TFAP2B: variants seen among roughly 807,000 people sequenced by gnomAD.
The protein encoded by TFAP2B is transcription factor AP-2 beta, also known as transcription factor AP-2-beta.
TFAP2B carries 9 observed loss-of-function variants against 44.3 expected under a neutral mutation model. That is an observed-to-expected ratio of 0.20 (90% CI 0.12 to 0.35). The LOEUF (loss-of-function observed/expected upper bound fraction) is 0.35, where lower values mean the gene tolerates loss of function less well. TFAP2B is among the 10% of genes least tolerant of loss of function. TFAP2B has a pLI of 1.00. For synonymous variants in TFAP2B, 270 were observed against 263.8 expected (o/e 1.02, Z -0.23); for missense variants, 509 against 600.0 (o/e 0.85, Z 1.59).
Position 50,823,770 on chromosome 6 carries a change from G to A in TFAP2B, c.445G>A (p.Val149Met), listed in dbSNP as rs767805944. ...CTACCACTCGGTCCGCCGGCCGGAC[G>A]TGCTGCTGCATTCGGCGCACCACGG... is the stretch of plus-strand genomic sequence containing the variant. ...RDYHSVRRPD[V>M]LLHSAHHGLD... The change falls in exon 2 of 7, where the codon GTG becomes ATG. Residue 149 changes from valine (V) to methionine (M), a missense_variant. Val to Met is a conservative substitution (Grantham distance 21). This residue lies in a region of TFAP2B where 296 missense variants were observed against 308.2 expected (regional missense o/e 0.96). Transcript: ENST00000393655. 3.1e-6 allele frequency: 5 copies of A among 1,598,624 alleles called. No homozygotes were observed. Among genetic ancestry groups the A allele is most frequent in the Non-Finnish European group, 4.3e-6 (5 of 1,172,504 alleles).
chr6:50,842,774 A>T (rs1016027676), intron 6 of TFAP2B, among the ~76,000 whole-genome samples: 23 of 152,216 alleles, frequency 1.5e-4, no homozygotes, highest in African/African-American at 5.3e-4. Context: ...ATGAAGTATT[A>T]AAAATCAACT....
chr6:50,840,318 G>A (rs1236904108), intron 6 of TFAP2B, 21 bp downstream of exon 6: 2 of 1,612,322 alleles, frequency 1.2e-6, no homozygotes, highest in Non-Finnish European at 1.7e-6. Context: ...TAGACTCTGG[G>A]CCCTCATCTC....
intron 1 of TFAP2B, among the ~76,000 whole-genome samples, chr6:50,820,494 C>T (rs1383027326): frequency 2.0e-5 from 3 of 152,210 alleles, no homozygotes; most frequent in Non-Finnish European, 4.4e-5. Flanking sequence ...GGAGAGAGCG[C>T]GAGAGAGCAG....
chr6:50,820,904 G>A (rs1435536516), intron 1 of TFAP2B, among the ~76,000 whole-genome samples: 1 of 151,860 alleles, frequency 6.6e-6, no homozygotes, highest in African/African-American at 2.4e-5. Flanking sequence ...GGGTGGAGTG[G>A]AAGGGAGGGA....
rs1362556350 is a variant in TFAP2B at position 50,840,186 on chromosome 6, G to C, written c.971G>C (p.Gly324Ala). Residue 324 changes from glycine (G) to alanine (A), a missense_variant, in exon 6 of 7, where the codon GGG becomes GCG. Around this residue, in one of 3 missense-constraint regions of TFAP2B, gnomAD observed 168 missense variants for 183.2 expected, o/e 0.92. Transcript: ENST00000393655. ...GCTGTTCACTTAGCTAGGGATTTTG[G>C]GTACATTTGCGAAACGGAGTTTCCC... is the stretch of plus-strand genomic sequence containing the variant. ...GEAVHLARDF[G>A]YICETEFPAK... is the part of the protein sequence containing the mutation. The C allele has an allele frequency of 1.9e-6, 3 of 1,614,046 alleles. No homozygotes were observed. Among genetic ancestry groups the C allele is most frequent in the Non-Finnish European group, 2.5e-6 (3 of 1,180,032 alleles).
In TFAP2B at chr6:50,843,174, C is replaced by A. The variant is rs1214833940; in HGVS notation, c.1165C>A (p.Pro389Thr). Reference sequence around the variant, plus strand: ...CAGCCGACCCAGCCCCATCCTGGAGCCGGGGATCCAGAGCTGCCTCACGCA... The same window carrying A: ...CAGCCGACCCAGCCCCATCCTGGAGACGGGGATCCAGAGCTGCCTCACGCA... Reference protein sequence around the residue: ...GNSRPSPILEPGIQSCLTHFS... With the variant: ...GNSRPSPILETGIQSCLTHFS... The change falls in exon 7 of 7, where the codon CCG (proline) becomes ACG (threonine). Residue 389 changes from proline to threonine, a missense_variant. By Grantham distance (38) the Pro-to-Thr change is conservative. Coordinates refer to ENST00000393655, the MANE Select transcript of TFAP2B (RefSeq NM_003221.4). The A allele has an allele frequency of 6.2e-7, 1 of 1,614,108 alleles. No homozygotes were observed. Among genetic ancestry groups the A allele is most frequent in the Non-Finnish European group, 8.5e-7 (1 of 1,180,050 alleles).
At chr6:50,830,813 C>T (rs2206277) in intron 3 of TFAP2B, among the ~76,000 whole-genome samples, 28,632 of 152,068 alleles carry the variant, frequency 0.19, 2,922 homozygotes, top group Admixed American at 0.29. Context: ...CTTTGCTCAC[C>T]ATCTCCCCAA....
In TFAP2B at chr6:50,847,414, G is replaced by T. The variant is rs1318383544; in HGVS notation, c.*4022G>T. On this transcript the variant is annotated 3_prime_UTR_variant, in exon 7 of 7. Coordinates refer to ENST00000393655, the MANE Select transcript of TFAP2B (RefSeq NM_003221.4). ...AATTTAATGGGAATGTGTAAATATGGCGAGCAAGTAGTTTGGGATTATTTA... is the reference window on the plus strand; with the variant it reads ...AATTTAATGGGAATGTGTAAATATGTCGAGCAAGTAGTTTGGGATTATTTA... 6.6e-6 allele frequency: 1 copy of T among 152,520 alleles called. No individual in the cohort carries two copies. Among genetic ancestry groups the T allele is most frequent in the East Asian group, 1.9e-4 (1 of 5,190 alleles). 9.4% of individuals were successfully genotyped at this position (152,520 alleles called of 1,614,324 possible).
At chr6:50,840,491 T>C (rs1030589200) in intron 6 of TFAP2B, among the ~76,000 whole-genome samples, 194 bp downstream of exon 6, 1 of 152,156 alleles carries the variant, frequency 6.6e-6, no homozygotes, top group Non-Finnish European at 1.5e-5. Flanking sequence ...CTGGGGAAAA[T>C]GGCTTTGTTA....
chr6:50,819,338 C>G (rs1484139979), intron 1 of TFAP2B, among the ~76,000 whole-genome samples: 1 of 146,122 alleles, frequency 6.8e-6, no homozygotes, highest in Admixed American at 6.8e-5. Flanking sequence ...GGGCTTTTCT[C>G]GTTTTAAGTG....
rs769445625 is a variant in TFAP2B, at chr6:50,828,697, C to A, written c.601+18C>A. 1.1e-5 allele frequency: 17 copies of A among 1,613,756 alleles called. No individual in the cohort carries two copies. The highest frequency in any genetic ancestry group is 1.4e-5 in the Non-Finnish European group (16 of 1,179,788). On this transcript the variant is annotated intron_variant, in intron 3 of 6. Coordinates refer to ENST00000393655, the MANE Select transcript of TFAP2B (RefSeq NM_003221.4). Reference sequence around the variant, plus strand: ...TAAAAAAGGTATGGATAATTCCCCCCAAAAAGTAAGCAAAGTTCTCTCATG... The same window carrying A: ...TAAAAAAGGTATGGATAATTCCCCCAAAAAAGTAAGCAAAGTTCTCTCATG...
At chr6:50,827,065 C>A (rs1332906503) in intron 2 of TFAP2B, among the ~76,000 whole-genome samples, 1 of 152,206 alleles carries the variant, frequency 6.6e-6, no homozygotes. Context: ...ACCACAACTA[C>A]CCCACGTCGC....
intron 3 of TFAP2B, among the ~76,000 whole-genome samples, chr6:50,830,509 TC>T (rs911960526): frequency 1.3e-5 from 2 of 152,076 alleles, no homozygotes; most frequent in African/African-American, 4.8e-5. Flanking sequence ...ACATTTTATG[TC>T]CCCCCAAATG....
intron 1 of TFAP2B, chr6:50,822,225 G>A: frequency 8.1e-7 from 1 of 1,233,182 alleles, no homozygotes; most frequent in Non-Finnish European, 1.1e-6. Context: ...CTCTGTCTCT[G>A]CGTCTCTGTG....
intron 3 of TFAP2B, among the ~76,000 whole-genome samples, chr6:50,835,200 A>G (rs1762595870): frequency 6.6e-6 from 1 of 152,244 alleles, no homozygotes; most frequent in Non-Finnish European, 1.5e-5. Flanking sequence ...TTACTTGCCG[A>G]AAAGAAACAA....
chr6:50,830,077 C>T (rs368385354), intron 3 of TFAP2B, among the ~76,000 whole-genome samples: 15 of 152,246 alleles, frequency 9.9e-5, no homozygotes, highest in Non-Finnish European at 1.2e-4. Flanking sequence ...CTCACTTTTC[C>T]TGTTTTCTCT....
chr6:50,835,470 C>T (rs1762601264), intron 3 of TFAP2B, among the ~76,000 whole-genome samples: 1 of 152,192 alleles, frequency 6.6e-6, no homozygotes, highest in African/African-American at 2.4e-5. Context: ...AGCTCCCCAG[C>T]TCAATGGTAT....
chr6:50,825,939 C>T (rs1561959558), intron 2 of TFAP2B, among the ~76,000 whole-genome samples: 1 of 152,152 alleles, frequency 6.6e-6, no homozygotes, highest in Non-Finnish European at 1.5e-5. Context: ...TCTGCCTCCG[C>T]GGTGATGACA....
intron 3 of TFAP2B, among the ~76,000 whole-genome samples, chr6:50,833,977 A>C (rs556541767): frequency 8.7e-4 from 132 of 152,318 alleles, no homozygotes; most frequent in Non-Finnish European, 4.4e-4. Flanking sequence ...AATTCATATC[A>C]TGTTAAAATT....
Sources: gnomAD v4.1 joint callset for allele counts (sites outside exome capture counted in the v4.1 genomes callset) on GRCh38, gnomAD v4.1.1 for gene constraint, gnomAD v4.1.1 regional missense constraint, MANE v1.5 for transcripts, NCBI Gene and HGNC (gene_info 2026-07-23, HGNC 2026-07-21) for gene names.